The following LDHAL6A variants were observed in gnomAD, a reference collection of about 807,000 sequenced individuals.
LDHAL6A encodes lactate dehydrogenase A like 6A.
A neutral mutation model predicts 28.2 loss-of-function variants in LDHAL6A; 19 were observed. The ratio of observed to expected loss-of-function variants is 0.67; its 90% CI spans 0.47 to 0.99. LDHAL6A has a LOEUF of 0.99. Among genes scored for constraint, LDHAL6A ranks in the 50% least tolerant of loss-of-function variants. The pLI is 0.00. For synonymous variants in LDHAL6A, 144 were observed against 134.4 expected (o/e 1.07, Z -0.49); for missense variants, 372 against 398.6 (o/e 0.93, Z 0.57).
rs747417752 is a variant in LDHAL6A at position 18,478,804 on chromosome 11, AGAG to A, written c.938_940del (p.Glu313del). Reference sequence around the variant, plus strand: ...TCATAAAAGTAAAACTGACTCTTGAAGAGGAGGCCTGCTTGCAAAAGAGTGCAG... The same window carrying A: ...TCATAAAAGTAAAACTGACTCTTGAAGAGGCCTGCTTGCAAAAGAGTGCAG... On this transcript the variant is annotated inframe_deletion, in exon 7 of 7. Transcript: ENST00000280706. 4.1e-5 allele frequency: 66 copies of A among 1,613,898 alleles called. No homozygotes were observed. Among genetic ancestry groups the A allele is most frequent in the African/African-American group, 5.3e-5 (4 of 74,952 alleles).
intron 2 of LDHAL6A, among the ~76,000 whole-genome samples, chr11:18,464,732 G>T (rs1330232004): frequency 6.8e-6 from 1 of 146,520 alleles, no homozygotes; most frequent in Admixed American, 6.8e-5. Context: ...AAAAAAAAAA[G>T]TGATGGAGTA....
chr11:18,474,223 T>G (rs967855965), intron 3 of LDHAL6A, among the ~76,000 whole-genome samples: 3 of 148,132 alleles, frequency 2.0e-5, no homozygotes, highest in Non-Finnish European at 4.5e-5. Context: ...GGATTACAGG[T>G]GTCCACCACC....
chr11:18,461,665 A>G (rs561251352), intron 1 of LDHAL6A, among the ~76,000 whole-genome samples: 1 of 151,406 alleles, frequency 6.6e-6, no homozygotes, highest in Admixed American at 6.6e-5. Context: ...CCTGGCCAAC[A>G]TGGTGAAACC....
chr11:18,467,912 T>TAC lies in LDHAL6A; in HGVS notation c.418+2103_418+2104insCA, dbSNP rs1565070946. ...ATATATATATATATATATATATATA[T>TAC]ATATATACACACACATATATATATA... On this transcript the variant is annotated intron_variant, in intron 3 of 6. Coordinates refer to ENST00000280706, the MANE Select transcript of LDHAL6A (RefSeq NM_144972.5). Among the ~76,000 whole-genome samples the TAC allele has an allele frequency of 5.9e-5, 4 of 67,786 alleles. No individual in the cohort carries two copies. The East Asian group carries it at 2.3e-3, about 38-fold the overall frequency. 44.5% of individuals were successfully genotyped at this position (67,786 alleles called of 152,430 possible). A position where few individuals can be genotyped will look rare whatever the true frequency, so the allele number is the denominator to read the frequency against.
intron 3 of LDHAL6A, among the ~76,000 whole-genome samples, chr11:18,473,123 A>G (rs1849289670): frequency 6.6e-6 from 1 of 152,192 alleles, no homozygotes; most frequent in African/African-American, 2.4e-5. Flanking sequence ...CTATACATAG[A>G]ACACCTCTTC....
rs1565071571 is a variant in LDHAL6A at position 18,468,002 on chromosome 11, CGTATATATAT to C, written c.418+2193_418+2202del. On this transcript the variant is annotated intron_variant, in intron 3 of 6. Transcript: ENST00000280706. ...ATACGTATATATATGCATATATATA[CGTATATATAT>C]ACATATATATACGTATATATATATA... Among the ~76,000 whole-genome samples, 33 of 37,690 alleles carry C rather than the reference CGTATATATAT, an allele frequency of 8.8e-4. 1 individual carries two copies. The highest frequency in any genetic ancestry group is 3.9e-3 in the African/African-American group (27 of 6,894). The allele number at this position is 37,690 out of a possible 152,430, so 24.7% of individuals were successfully genotyped here.
chr11:18,456,886 A>T, intron 1 of LDHAL6A, 80 bp downstream of exon 1: 1 of 1,450,186 alleles, frequency 6.9e-7, no homozygotes, highest in South Asian at 1.4e-5. Flanking sequence ...GGTTGTGTCC[A>T]GTTCAAGGTG....
intron 1 of LDHAL6A, among the ~76,000 whole-genome samples, chr11:18,459,079 T>G (rs1311158685): frequency 6.6e-6 from 1 of 152,176 alleles, no homozygotes; most frequent in Non-Finnish European, 1.5e-5. Flanking sequence ...GTGTGGTGGT[T>G]AATATTGTCA....
chr11:18,464,992 G>T (rs201163751), intron 2 of LDHAL6A, among the ~76,000 whole-genome samples: 26,379 of 109,706 alleles, frequency 0.24, 3,980 homozygotes, highest in African/African-American at 0.35. Context: ...TTTTTGTTTT[G>T]TTTTGTTTTG....
At chr11:18,463,773 C>T (rs1349360564) in intron 1 of LDHAL6A, among the ~76,000 whole-genome samples, 188 bp from the exon 2 acceptor site, 2 of 152,146 alleles carry the variant, frequency 1.3e-5, no homozygotes. Flanking sequence ...AAATGCTCCT[C>T]TTTGTAATTT....
chr11:18,472,576 C>T (rs897343266), intron 3 of LDHAL6A, among the ~76,000 whole-genome samples: 14 of 152,050 alleles, frequency 9.2e-5, no homozygotes, highest in Middle Eastern at 3.2e-3. Flanking sequence ...GAAATTATGT[C>T]CTTCACAGAG....
At chr11:18,474,901 CTT>C (rs1399988732) in intron 3 of LDHAL6A, among the ~76,000 whole-genome samples, 4 of 152,152 alleles carry the variant, frequency 2.6e-5, no homozygotes, top group South Asian at 2.1e-4. Flanking sequence ...TAAAATAACA[CTT>C]GTCATTGATT....
chr11:18,470,952 G>T (rs1236027037), intron 3 of LDHAL6A, among the ~76,000 whole-genome samples: 1 of 152,158 alleles, frequency 6.6e-6, no homozygotes, highest in Non-Finnish European at 1.5e-5. Flanking sequence ...CTCCCAAAGT[G>T]CTGGGATTAC....
chr11:18,466,844 CA>C (rs1335723816), intron 3 of LDHAL6A, among the ~76,000 whole-genome samples: 1 of 152,006 alleles, frequency 6.6e-6, no homozygotes, highest in Non-Finnish European at 1.5e-5. Context: ...ACAAGGTGGA[CA>C]AACTGAAAAT....
intron 3 of LDHAL6A, among the ~76,000 whole-genome samples, chr11:18,472,798 T>C (rs1275098928): frequency 1.3e-5 from 2 of 152,204 alleles, no homozygotes; most frequent in Non-Finnish European, 2.9e-5. Context: ...TCAATATTTA[T>C]TTTAGACACT....
chr11:18,467,902 TATATATATATATATATACAC>T (rs1433445931), intron 3 of LDHAL6A, among the ~76,000 whole-genome samples: 1 of 70,854 alleles, frequency 1.4e-5, no homozygotes, highest in African/African-American at 7.9e-5. Context: ...TATATATATA[TATATATATATATATATACAC>T]ACACATATAT....
Position 18,479,192 on chromosome 11 carries a change from G to A in LDHAL6A, c.*322G>A, listed in dbSNP as rs986895588. On this transcript the variant is annotated 3_prime_UTR_variant, in exon 7 of 7. Coordinates refer to ENST00000280706, the MANE Select transcript of LDHAL6A (RefSeq NM_144972.5). ...GCCTGCCTAATTTTTGTATCTTTTT[G>A]TAGAGATGGGGTTTTGCCATGTCAT... The A allele has an allele frequency of 1.2e-5, 2 of 173,178 alleles. No homozygotes were observed. Among genetic ancestry groups the A allele is most frequent in the African/African-American group, 4.8e-5 (2 of 41,712 alleles). 10.7% of individuals were successfully genotyped at this position (173,178 alleles called of 1,614,324 possible).
At chr11:18,470,073 C>A (rs541085852) in intron 3 of LDHAL6A, among the ~76,000 whole-genome samples, 13 of 152,154 alleles carry the variant, frequency 8.5e-5, no homozygotes, top group Non-Finnish European at 1.3e-4. Flanking sequence ...GGATTACAGG[C>A]ATGTGCCACC....
chr11:18,471,199 AAACTT>A (rs1849249750), intron 3 of LDHAL6A, among the ~76,000 whole-genome samples: 1 of 150,240 alleles, frequency 6.7e-6, no homozygotes, highest in Non-Finnish European at 1.5e-5. Flanking sequence ...TTGTAAAACT[AAACTT>A]TAGAAGTTTT....
Sources: allele counts gnomAD v4.1 joint callset (sites outside exome capture counted in the v4.1 genomes callset), GRCh38; gene constraint gnomAD v4.1.1; transcripts MANE v1.5; gene names NCBI Gene and HGNC (gene_info 2026-07-23, HGNC 2026-07-21).